GRK5: variants seen among roughly 807,000 people sequenced by gnomAD.
GRK5 encodes G protein-coupled receptor kinase 5.
Under a neutral mutation model 78.4 loss-of-function variants are expected in GRK5, and 40 were observed. That is an observed-to-expected ratio of 0.51 (90% CI 0.40 to 0.66). The LOEUF (loss-of-function observed/expected upper bound fraction) is 0.66, where lower values mean the gene tolerates loss of function less well. Among genes scored for constraint, GRK5 ranks in the 30% least tolerant of loss-of-function variants. GRK5 has a pLI of 0.00. For synonymous variants in GRK5, 289 were observed against 296.8 expected (o/e 0.97, Z 0.27); for missense variants, 598 against 759.9 (o/e 0.79, Z 2.50).
chr10:119,438,383 C>T (rs948121206), intron 9 of GRK5, among the ~76,000 whole-genome samples: 1 of 152,134 alleles, frequency 6.6e-6, no homozygotes, highest in African/African-American at 2.4e-5. Context: ...TGGCAGACCC[C>T]GACACGCAGC....
Position 119,448,243 on chromosome 10 carries a change from C to A in GRK5, c.1387C>A (p.Pro463Thr). Reference protein sequence around the residue: ...FKRLEAGMLDPPFVPDPRAVY... With the variant: ...FKRLEAGMLDTPFVPDPRAVY... ...GCGCTTAGAAGCCGGGATGTTGGAC[C>A]CTCCCTTCGTTCCAGACGTGAGTAG... Residue 463 changes from proline (P) to threonine (T), a missense_variant, in exon 13 of 16, where the codon CCT becomes ACT. Physicochemically the swap from Pro to Thr is conservative, Grantham distance 38 (BLOSUM62 -1). Transcript: ENST00000392870. 1 of 1,596,054 alleles carries A rather than the reference C, an allele frequency of 6.3e-7. No homozygotes were observed. Among genetic ancestry groups the A allele is most frequent in the Non-Finnish European group, 8.5e-7 (1 of 1,172,340 alleles).
intron 2 of GRK5, among the ~76,000 whole-genome samples, chr10:119,367,069 AC>A (rs1205339447): frequency 6.6e-6 from 1 of 152,160 alleles, no homozygotes; most frequent in East Asian, 1.9e-4. Flanking sequence ...CGCAGGAAGC[AC>A]CTCATTCATG....
chr10:119,394,275 C>G (rs200323493), intron 3 of GRK5, among the ~76,000 whole-genome samples: 14 of 19,154 alleles, frequency 7.3e-4, no homozygotes, highest in African/African-American at 9.1e-4. Context: ...TGTGTGTGGG[C>G]GTGTGTGTGG....
At position 119,459,515 on chromosome 10, in the gene GRK5, T is replaced by G. The variant is rs1416292976; in HGVS notation, c.*4448T>G. 6.6e-6 allele frequency: 1 copy of G among 152,228 alleles called. No individual in the cohort carries two copies. The highest frequency in any genetic ancestry group is 1.5e-5 in the Non-Finnish European group (1 of 68,048). 9.4% of individuals were successfully genotyped at this position (152,228 alleles called of 1,614,324 possible). Reference sequence around the variant, plus strand: ...AGAGTTTAGTGGCTTTTGGTGTTGTTAAAATAATAAGAATCCTTCTAGCAT... The same window carrying G: ...AGAGTTTAGTGGCTTTTGGTGTTGTGAAAATAATAAGAATCCTTCTAGCAT... On this transcript the variant is annotated 3_prime_UTR_variant, in exon 16 of 16. Transcript: ENST00000392870.
chr10:119,411,842 C>CCTTTTTTTTTTTT, intron 4 of GRK5, among the ~76,000 whole-genome samples: 1 of 95,978 alleles, frequency 1.0e-5, no homozygotes. Context: ...AGATCTGCTT[C>CCTTTTTTTTTTTT]TTTTTTTTTT....
At chr10:119,247,017 C>T (rs1645001114) in intron 1 of GRK5, among the ~76,000 whole-genome samples, 1 of 152,142 alleles carries the variant, frequency 6.6e-6, no homozygotes, top group Non-Finnish European at 1.5e-5. Flanking sequence ...CAGATCCGTG[C>T]CCTGGCCCGA....
chr10:119,286,891 C>T (rs950976882), intron 1 of GRK5, among the ~76,000 whole-genome samples: 2 of 152,122 alleles, frequency 1.3e-5, no homozygotes, highest in Non-Finnish European at 1.5e-5. Flanking sequence ...TTTTCTTGTC[C>T]GTAAGATGGC....
intron 1 of GRK5, among the ~76,000 whole-genome samples, chr10:119,325,535 G>A (rs1850660708): frequency 6.6e-6 from 1 of 152,154 alleles, no homozygotes; most frequent in Admixed American, 6.5e-5. Context: ...GGCACAAAGG[G>A]CTCCATGACC....
chr10:119,298,485 A>G (rs1243682987), intron 1 of GRK5, among the ~76,000 whole-genome samples: 1 of 152,130 alleles, frequency 6.6e-6, no homozygotes, highest in Non-Finnish European at 1.5e-5. Context: ...TCTTGATGCC[A>G]TTGACTCTGC....
At position 119,452,652 on chromosome 10, in the gene GRK5, G is replaced by T. The variant is rs777428319; in HGVS notation, c.1405-19G>T. The T allele has an allele frequency of 6.2e-7, 1 of 1,613,578 alleles. No homozygotes were observed. Among genetic ancestry groups the T allele is most frequent in the African/African-American group, 1.3e-5 (1 of 75,060 alleles). On this transcript the variant is annotated intron_variant, in intron 13 of 15. Coordinates refer to ENST00000392870, the MANE Select transcript of GRK5 (RefSeq NM_005308.3). This position sits in a 1 kb window ranked among gnomAD's most constrained non-coding sequence, Gnocchi z 4.4. ...CCGCAGGCGGGACATATGTGTGACC[G>T]GCCCTCTGCCCCTGGCAGCCCCGCG... is the stretch of plus-strand genomic sequence containing the variant.
intron 1 of GRK5, among the ~76,000 whole-genome samples, chr10:119,249,961 C>T (rs547966642): frequency 6.6e-6 from 1 of 152,208 alleles, no homozygotes; most frequent in Non-Finnish European, 1.5e-5. Context: ...AATGGCCCCA[C>T]TAAGTCATGC....
intron 1 of GRK5, among the ~76,000 whole-genome samples, chr10:119,313,705 G>A (rs1409497607): frequency 6.6e-6 from 1 of 152,056 alleles, no homozygotes; most frequent in Admixed American, 6.5e-5. Context: ...TTCCTGGGAG[G>A]GACTGTCCCC....
chr10:119,224,477 C>T (rs1253586140), intron 1 of GRK5, among the ~76,000 whole-genome samples: 17 of 152,002 alleles, frequency 1.1e-4, no homozygotes, highest in African/African-American at 2.7e-4. Flanking sequence ...GGCACGATCT[C>T]GGCTCACTGC....
At chr10:119,322,702 G>T (rs183372160) in intron 1 of GRK5, among the ~76,000 whole-genome samples, 37 of 152,338 alleles carry the variant, frequency 2.4e-4, no homozygotes, top group Non-Finnish European at 4.1e-4. Flanking sequence ...AATCACAGAG[G>T]ATTGGGGTAC....
At chr10:119,322,313 C>T (rs758744451) in intron 1 of GRK5, among the ~76,000 whole-genome samples, 5 of 152,306 alleles carry the variant, frequency 3.3e-5, no homozygotes, top group South Asian at 2.1e-4. Context: ...CTGTGCACAG[C>T]GCAATATTTA....
At position 119,452,598 on chromosome 10, in the gene GRK5, C is replaced by T. The variant is rs1853310250; in HGVS notation, c.1405-73C>T. 6.3e-7 allele frequency: 1 copy of T among 1,584,844 alleles called. No homozygotes were observed. Among genetic ancestry groups the T allele is most frequent in the Admixed American group, 1.7e-5 (1 of 59,102 alleles). On this transcript the variant is annotated intron_variant, in intron 13 of 15. Transcript: ENST00000392870. This position sits in a 1 kb window ranked among gnomAD's most constrained non-coding sequence, Gnocchi z 4.4. ...GAAGACTCCCTTCTGCTCCCCAAAA[C>T]CCCAAGGCCTGGCTCGGGGCCACTG...
At chr10:119,261,042 C>G (rs1312794633) in intron 1 of GRK5, among the ~76,000 whole-genome samples, 3 of 123,874 alleles carry the variant, frequency 2.4e-5, no homozygotes, top group Admixed American at 8.1e-5. Flanking sequence ...GGGCTGACCC[C>G]CCCACCTCCC....
At chr10:119,403,138 A>G (rs1369926952) in intron 4 of GRK5, among the ~76,000 whole-genome samples, 2 of 152,210 alleles carry the variant, frequency 1.3e-5, no homozygotes. Context: ...ATATAAATGG[A>G]ATATCATATA....
Position 119,443,612 on chromosome 10 carries a change from T to C in GRK5, c.1126T>C (p.Tyr376His). 1 of 1,613,722 alleles carries C rather than the reference T, an allele frequency of 6.2e-7. No individual in the cohort carries two copies. The highest frequency in any genetic ancestry group is 8.5e-7 in the Non-Finnish European group (1 of 1,179,908). The change falls in exon 12 of 16, where the codon TAT (tyrosine) becomes CAT (histidine). Residue 376 changes from tyrosine (Y) to histidine (H), a missense_variant. Physicochemically the swap from Tyr to His is moderately conservative, Grantham distance 83. Coordinates refer to ENST00000392870, the MANE Select transcript of GRK5 (RefSeq NM_005308.3). ...CTACTGGGGCCTTGGCTGCCTCATC[T>C]ATGAGATGATCGAGGGCCAGTCGCC... ...PDYWGLGCLI[Y>H]EMIEGQSPFR...
Sources: gnomAD v4.1 joint callset for allele counts (sites outside exome capture counted in the v4.1 genomes callset) on GRCh38, gnomAD v4.1.1 for gene constraint, Gnocchi (gnomAD v3.1) non-coding constraint, MANE v1.5 for transcripts, NCBI Gene and HGNC (gene_info 2026-07-23, HGNC 2026-07-21) for gene names.